Variants in NKD1 observed in about 807,000 individuals in gnomAD.
The protein encoded by NKD1 is protein naked cuticle homolog 1.
NKD1 carries 21 observed loss-of-function variants against 56.0 expected under a neutral mutation model. The observed-to-expected ratio is 0.38, with a 90% CI of 0.27 to 0.54. NKD1 has a LOEUF of 0.54. Ranked by LOEUF, NKD1 falls within the 20% of genes least tolerant of loss-of-function variation. The pLI, the probability that NKD1 is intolerant of heterozygous loss-of-function variation, is 0.82. For missense variants in NKD1, 578 were observed against 642.7 expected (o/e 0.90, Z 1.09); for synonymous variants, 263 against 265.7 (o/e 0.99, Z 0.10).
intron 3 of NKD1, among the ~76,000 whole-genome samples, chr16:50,588,587 CTTTTCTTCTGCTT>C (rs1961279365): frequency 7.5e-6 from 1 of 132,576 alleles, no homozygotes; most frequent in Non-Finnish European, 1.6e-5. Flanking sequence ...CTTTTCTTTT[CTTTTCTTCTGCTT>C]TTTTTTTTTT....
chr16:50,600,975 A>G (rs1961583325), intron 3 of NKD1, among the ~76,000 whole-genome samples: 1 of 152,240 alleles, frequency 6.6e-6, no homozygotes, highest in Non-Finnish European at 1.5e-5. Context: ...TGTCGATTGC[A>G]TCTTGGGCAG....
chr16:50,559,285 A>G (rs948975017), intron 3 of NKD1, among the ~76,000 whole-genome samples: 1 of 152,228 alleles, frequency 6.6e-6, no homozygotes, highest in South Asian at 2.1e-4. Flanking sequence ...GTGTGGTACC[A>G]GTGTGCTAAG....
intron 3 of NKD1, among the ~76,000 whole-genome samples, chr16:50,605,472 C>G (rs1331028002): frequency 6.6e-6 from 1 of 152,128 alleles, no homozygotes; most frequent in African/African-American, 2.4e-5. Context: ...CACAGTTGGC[C>G]CTCCTTATCC....
At chr16:50,575,851 C>T (rs527304618) in intron 3 of NKD1, among the ~76,000 whole-genome samples, 134 of 152,294 alleles carry the variant, frequency 8.8e-4, no homozygotes, top group African/African-American at 3.0e-3. Flanking sequence ...GGACATTTGG[C>T]GATATCTGGG....
rs749295464 is a variant in NKD1 at position 50,621,551 on chromosome 16, C to T, written c.260-51C>T. On this transcript the variant is annotated intron_variant, in intron 4 of 9. Coordinates refer to ENST00000268459, the MANE Select transcript of NKD1 (RefSeq NM_033119.5). ...GACAAAGGTGCAGTGAGCATGGCTG[C>T]CCGGCGTCTGGACCCTGCTCCTAAT... The T allele has an allele frequency of 2.2e-6, 3 of 1,355,214 alleles. No homozygotes were observed. The South Asian group carries it at 3.6e-5, about 16-fold the overall frequency. 83.9% of individuals were successfully genotyped at this position (1,355,214 alleles called of 1,614,324 possible). A position where few individuals can be genotyped will look rare whatever the true frequency, so the allele number is the denominator to read the frequency against.
intron 3 of NKD1, chr16:50,606,305 C>T (rs1052942646): frequency 2.6e-5 from 4 of 154,552 alleles, no homozygotes; most frequent in Non-Finnish European, 4.3e-5. Context: ...CCTCGGCCTC[C>T]CGAAGTGCTA....
chr16:50,592,084 A>G (rs1961378898), intron 3 of NKD1, among the ~76,000 whole-genome samples: 1 of 152,232 alleles, frequency 6.6e-6, no homozygotes, highest in Non-Finnish European at 1.5e-5. Flanking sequence ...CGCTGAGGAC[A>G]GAGCTGGCTA....
chr16:50,603,946 C>A lies in NKD1; in HGVS notation c.193-4348C>A, dbSNP rs935972011. Among the ~76,000 whole-genome samples the A allele has an allele frequency of 5.3e-5, 8 of 152,204 alleles. 1 individual carries two copies. The highest frequency in any genetic ancestry group is 1.9e-4 in the African/African-American group (8 of 41,446). On this transcript the variant is annotated intron_variant, in intron 3 of 9. Coordinates refer to ENST00000268459, the MANE Select transcript of NKD1 (RefSeq NM_033119.5). ...CTGGGCATGTGGCCTGAGGGGCCAC[C>A]AATCCAGGCCATTAGACAGGAGCAG...
chr16:50,555,154 G>A (rs1960474116), intron 3 of NKD1, among the ~76,000 whole-genome samples: 1 of 152,128 alleles, frequency 6.6e-6, no homozygotes, highest in Admixed American at 6.5e-5. Flanking sequence ...GAGGTGGGGG[G>A]AAGAGCTGAC....
rs1266164883 is a variant in NKD1 at position 50,633,416 on chromosome 16, A to G, written c.1048A>G (p.Lys350Glu). The G allele has an allele frequency of 6.2e-7, 1 of 1,613,258 alleles. No homozygotes were observed. The highest frequency in any genetic ancestry group is 1.1e-5 in the South Asian group (1 of 90,908). ...DGSKHFVRSP[K>E]AQGKSVGVGH... ...GAGCAAGCACTTTGTGAGGTCCCCCAAGGCCCAGGGCAAGAGTGTGGGTGT... is the reference window on the plus strand; with the variant it reads ...GAGCAAGCACTTTGTGAGGTCCCCCGAGGCCCAGGGCAAGAGTGTGGGTGT... Residue 350 changes from lysine to glutamate, a missense_variant, in exon 10 of 10, where the codon AAG becomes GAG. Coordinates refer to ENST00000268459, the MANE Select transcript of NKD1 (RefSeq NM_033119.5). The surrounding 1 kb of genome is among the most constrained non-coding windows in gnomAD (Gnocchi z 4.9).
chr16:50,609,471 G>A (rs992003309), intron 4 of NKD1, among the ~76,000 whole-genome samples: 1 of 152,192 alleles, frequency 6.6e-6, no homozygotes, highest in Non-Finnish European at 1.5e-5. Flanking sequence ...GGAGAGCTGG[G>A]GGGCCATGGT....
chr16:50,618,951 A>T (rs35327194), intron 4 of NKD1, among the ~76,000 whole-genome samples: 26 of 152,340 alleles, frequency 1.7e-4, no homozygotes, highest in East Asian at 1.5e-3. Context: ...CTGTCCGTGC[A>T]CGGTGGAGGA....
At chr16:50,616,998 G>A (rs1269200550) in intron 4 of NKD1, among the ~76,000 whole-genome samples, 1 of 152,212 alleles carries the variant, frequency 6.6e-6, no homozygotes, top group African/African-American at 2.4e-5. Context: ...CTGTTGTACT[G>A]TTGAGGAGGA....
chr16:50,580,451 C>A (rs540216509), intron 3 of NKD1, among the ~76,000 whole-genome samples: 5 of 152,234 alleles, frequency 3.3e-5, no homozygotes, highest in Admixed American at 6.5e-5. Context: ...GCAGTACACA[C>A]GCTCAGTGAA....
chr16:50,579,421 C>G (rs1218965261), intron 3 of NKD1, among the ~76,000 whole-genome samples: 1 of 144,584 alleles, frequency 6.9e-6, no homozygotes, highest in Non-Finnish European at 1.5e-5. Flanking sequence ...GTCCTGCGGG[C>G]TACCCGCTAC....
At position 50,644,746 on chromosome 16, in the gene NKD1, A is replaced by G. The variant is rs147226498; in HGVS notation, c.*10965A>G. On this transcript the variant is annotated 3_prime_UTR_variant, in exon 10 of 10. Transcript: ENST00000268459. ...TCTGTTTCCTCTGACTCTGTCCTCA[A>G]AAGGCAGCATCTGATTGTGATTTGG... 9 of 152,364 alleles carry G rather than the reference A, an allele frequency of 5.9e-5. No individual in the cohort carries two copies. Among genetic ancestry groups the G allele is most frequent in the East Asian group, 1.9e-4 (1 of 5,186 alleles). 9.4% of individuals were successfully genotyped at this position (152,364 alleles called of 1,614,324 possible).
intron 4 of NKD1, 124 bp from the exon 5 acceptor site, chr16:50,621,478 A>G (rs1438654088): frequency 7.9e-6 from 5 of 634,328 alleles, no homozygotes; most frequent in Non-Finnish European, 8.3e-6. Context: ...TGGGCAGGGC[A>G]GGAGCGGGCC....
intron 3 of NKD1, among the ~76,000 whole-genome samples, chr16:50,597,719 G>A (rs553063739): frequency 1.9e-4 from 29 of 152,264 alleles, no homozygotes; most frequent in African/African-American, 6.5e-4. Context: ...CACCTTCTCG[G>A]CTTTTCCACA....
chr16:50,628,205 A>C (rs1962265829), intron 6 of NKD1, among the ~76,000 whole-genome samples: 2 of 152,192 alleles, frequency 1.3e-5, no homozygotes, highest in African/African-American at 4.8e-5. Flanking sequence ...AGCAATTTTG[A>C]AGATTTAACA....
Sources: gnomAD v4.1 joint callset for allele counts (sites outside exome capture counted in the v4.1 genomes callset) on GRCh38, gnomAD v4.1.1 for gene constraint, Gnocchi (gnomAD v3.1) non-coding constraint, MANE v1.5 for transcripts, NCBI Gene and HGNC (gene_info 2026-07-23, HGNC 2026-07-21) for gene names.